BRI3BP: variants seen among roughly 807,000 people sequenced by gnomAD.
BRI3BP encodes BRI3 binding protein.
Under a neutral mutation model 15.8 loss-of-function variants are expected in BRI3BP, and 7 were observed. The observed-to-expected ratio is 0.44, with a 90% CI of 0.25 to 0.83. The LOEUF (loss-of-function observed/expected upper bound fraction) is 0.83, where lower values mean the gene tolerates loss of function less well. Ranked by LOEUF, BRI3BP falls within the 40% of genes least tolerant of loss-of-function variation. The pLI, the probability that BRI3BP is intolerant of heterozygous loss-of-function variation, is 0.20. For missense variants in BRI3BP, 320 were observed against 339.3 expected (o/e 0.94, Z 0.45); for synonymous variants, 192 against 163.5 (o/e 1.17, Z -1.33).
At chr12:125,023,705 C>T (rs1173901605) in intron 2 of BRI3BP, among the ~76,000 whole-genome samples, 3 of 152,152 alleles carry the variant, frequency 2.0e-5, no homozygotes, top group Non-Finnish European at 2.9e-5. Flanking sequence ...TGCTACCACA[C>T]CTGTCTAATT....
chr12:125,014,760 CA>C (rs1455199696), intron 2 of BRI3BP, among the ~76,000 whole-genome samples: 2 of 152,198 alleles, frequency 1.3e-5, no homozygotes, highest in African/African-American at 4.8e-5. Context: ...CTGCACCTGG[CA>C]CAAAGAGGCC....
chr12:125,049,759 C>T, the BRI3BP span, among the ~76,000 whole-genome samples: 4 of 152,222 alleles, frequency 2.6e-5, no homozygotes, highest in Non-Finnish European at 4.4e-5. Context: ...ACGCGGAGGC[C>T]TGGGCCGATG....
the BRI3BP span, among the ~76,000 whole-genome samples, chr12:125,049,815 C>G: frequency 6.7e-6 from 1 of 150,228 alleles, no homozygotes; most frequent in Non-Finnish European, 1.5e-5. Context: ...CTGAGTGTGG[C>G]GCGTGAGTGT....
At chr12:125,000,922 C>G (rs562296814) in intron 1 of BRI3BP, among the ~76,000 whole-genome samples, 13 of 152,160 alleles carry the variant, frequency 8.5e-5, no homozygotes, top group Non-Finnish European at 1.8e-4. Context: ...AGTCCATATT[C>G]AAATTGTCTT....
chr12:125,036,005 T>C (rs1055027802), downstream of BRI3BP, among the ~76,000 whole-genome samples: 1 of 151,944 alleles, frequency 6.6e-6, no homozygotes, highest in Admixed American at 6.6e-5. Context: ...GTCAAATCTT[T>C]GATGATGATT....
intron 1 of BRI3BP, among the ~76,000 whole-genome samples, chr12:125,009,332 C>A (rs1955175915): frequency 7.0e-6 from 1 of 142,490 alleles, no homozygotes; most frequent in African/African-American, 2.6e-5. Context: ...CTCTATCACC[C>A]AGGCTGGAGT....
intron 2 of BRI3BP, among the ~76,000 whole-genome samples, chr12:125,020,249 C>T (rs1955285300): frequency 6.6e-6 from 1 of 152,174 alleles, no homozygotes. Flanking sequence ...CCCGGCCTAA[C>T]AGACATTTTC....
the BRI3BP span, among the ~76,000 whole-genome samples, chr12:125,045,701 C>T: frequency 1.3e-5 from 2 of 152,202 alleles, no homozygotes; most frequent in East Asian, 3.8e-4. Flanking sequence ...TGTAAAAATG[C>T]ATCTGTCAAT....
intron 1 of BRI3BP, among the ~76,000 whole-genome samples, chr12:125,008,242 C>A (rs1023452195): frequency 1.3e-5 from 2 of 151,800 alleles, no homozygotes; most frequent in Non-Finnish European, 2.9e-5. Flanking sequence ...AGGCCCTCCT[C>A]CCAGATCCCG....
chr12:125,046,690 T>C, the BRI3BP span, among the ~76,000 whole-genome samples: 1 of 152,210 alleles, frequency 6.6e-6, no homozygotes, highest in African/African-American at 2.4e-5. Context: ...ATTTCTAGAG[T>C]TATATGCTTA....
Position 124,993,949 on chromosome 12 carries a change from C to A in BRI3BP, c.159C>A (p.Phe53Leu). 1 of 1,371,798 alleles carries A rather than the reference C, an allele frequency of 7.3e-7. No homozygotes were observed. The highest frequency in any genetic ancestry group is 1.6e-5 in the South Asian group (1 of 62,160). The allele number at this position is 1,371,798 out of a possible 1,614,324, so 85.0% of individuals were successfully genotyped here. A position where few individuals can be genotyped will look rare whatever the true frequency, so the allele number is the denominator to read the frequency against. ...KNSYRRTVNTFSQSVSSLFGE... is the reference protein window; with the variant it reads ...KNSYRRTVNTLSQSVSSLFGE... ...GCTACCGCCGCACGGTCAACACCTT[C>A]TCCCAGAGCGTCAGCAGCCTGTTCG... is the stretch of plus-strand genomic sequence containing the variant. Residue 53 changes from phenylalanine to leucine, a missense_variant, in exon 1 of 3, where the codon TTC becomes TTA. Physicochemically the swap from Phe to Leu is conservative, Grantham distance 22 (BLOSUM62 0). Transcript: ENST00000341446.
At chr12:125,005,769 CTG>C (rs10605745) in intron 1 of BRI3BP, among the ~76,000 whole-genome samples, 20,192 of 148,758 alleles carry the variant, frequency 0.14, 1,400 homozygotes, top group Non-Finnish European at 0.16. Context: ...CAGAGCAAGA[CTG>C]TTTAAAAAAA....
At chr12:125,015,069 C>A (rs1404708093) in intron 2 of BRI3BP, among the ~76,000 whole-genome samples, 1 of 152,192 alleles carries the variant, frequency 6.6e-6, no homozygotes, top group African/African-American at 2.4e-5. Context: ...ACCCAGCCCA[C>A]CCTTGGTTAA....
chr12:125,036,444 A>G, the BRI3BP span, among the ~76,000 whole-genome samples: 1 of 151,714 alleles, frequency 6.6e-6, no homozygotes, highest in Non-Finnish European at 1.5e-5. Flanking sequence ...CAGGTGATCT[A>G]TATTTTTTAT....
At position 125,029,544 on chromosome 12, in the gene BRI3BP, AAGTG is replaced by A. The variant is rs1220293331; in HGVS notation, c.*4115_*4118del. 6.8e-6 allele frequency: 1 copy of A among 146,986 alleles called. No homozygotes were observed. The highest frequency in any genetic ancestry group is 2.6e-5 in the African/African-American group (1 of 38,448). The allele number at this position is 146,986 out of a possible 1,614,324, so 9.1% of individuals were successfully genotyped here. The stretch of plus-strand genomic sequence containing the variant: ...GAGACCCAGTCTCAAAAAAAAAAAA[AAGTG>A]TGTGTGTGTGTATATATATGTATAT... On this transcript the variant is annotated 3_prime_UTR_variant, in exon 3 of 3. Transcript: ENST00000341446.
the BRI3BP span, among the ~76,000 whole-genome samples, chr12:125,046,927 A>T: frequency 6.6e-6 from 1 of 152,192 alleles, no homozygotes; most frequent in African/African-American, 2.4e-5. Flanking sequence ...TTGAAAGCAC[A>T]CAGTATTCAC....
chr12:125,003,939 C>T (rs949815304), intron 1 of BRI3BP, among the ~76,000 whole-genome samples: 7 of 144,434 alleles, frequency 4.8e-5, no homozygotes, highest in Non-Finnish European at 1.1e-4. Context: ...GGCGACAGAG[C>T]GAGACTCCAT....
At position 125,025,623 on chromosome 12, in the gene BRI3BP, G is replaced by A. The variant is rs529816108; in HGVS notation, c.*193G>A. The A allele has an allele frequency of 5.3e-5, 31 of 585,972 alleles. No individual in the cohort carries two copies. Among genetic ancestry groups the A allele is most frequent in the Non-Finnish European group, 7.6e-5 (26 of 342,674 alleles). The allele number at this position is 585,972 out of a possible 1,614,324, so 36.3% of individuals were successfully genotyped here. Reference sequence around the variant, plus strand: ...CCAGAAGAGCGGAAAGATCATTGACGTGGAACTACACACGAAGTGTAATTA... The same window carrying A: ...CCAGAAGAGCGGAAAGATCATTGACATGGAACTACACACGAAGTGTAATTA... On this transcript the variant is annotated 3_prime_UTR_variant, in exon 3 of 3. Transcript: ENST00000341446.
intron 1 of BRI3BP, among the ~76,000 whole-genome samples, chr12:124,998,615 A>G (rs1360637065): frequency 1.3e-5 from 2 of 152,232 alleles, no homozygotes; most frequent in East Asian, 3.9e-4. Flanking sequence ...GGGAGGGAGC[A>G]ATGGGGGAAT....
Sources: gnomAD v4.1 joint callset for allele counts (sites outside exome capture counted in the v4.1 genomes callset) on GRCh38, gnomAD v4.1.1 for gene constraint, MANE v1.5 for transcripts, NCBI Gene and HGNC (gene_info 2026-07-23, HGNC 2026-07-21) for gene names.